The following SEL1L3 variants were observed in gnomAD, a reference collection of about 807,000 sequenced individuals.
SEL1L3 encodes the protein SEL1L family member 3, also known as protein sel-1 homolog 3.
SEL1L3 carries 76 observed loss-of-function variants against 142.8 expected under a neutral mutation model. The ratio of observed to expected loss-of-function variants is 0.53; its 90% CI spans 0.44 to 0.64. The LOEUF (loss-of-function observed/expected upper bound fraction) is 0.64. Among genes scored for constraint, SEL1L3 ranks in the 30% least tolerant of loss-of-function variants. SEL1L3 has a pLI of 0.00. For missense variants in SEL1L3, 1,262 were observed against 1,381.7 expected (o/e 0.91, Z 1.37); for synonymous variants, 504 against 519.6 (o/e 0.97, Z 0.41).
chr4:25,731,134 A>G, the SEL1L3 span, among the ~76,000 whole-genome samples: 1 of 152,240 alleles, frequency 6.6e-6, no homozygotes, highest in South Asian at 2.1e-4. Flanking sequence ...TCAAAGGGAC[A>G]TTAAAACACA....
At chr4:25,745,556 C>CCTACA (rs1717235717), downstream of SEL1L3, among the ~76,000 whole-genome samples, 3 of 152,166 alleles carry the variant, frequency 2.0e-5, no homozygotes, top group Admixed American at 2.0e-4. Context: ...ATCAGTCATT[C>CCTACA]TCAAGGTGAA....
chr4:25,730,627 G>T, the SEL1L3 span, among the ~76,000 whole-genome samples: 1 of 152,014 alleles, frequency 6.6e-6, no homozygotes, highest in Non-Finnish European at 1.5e-5. Context: ...TAACATCTGC[G>T]CTCAATAAAC....
At chr4:25,829,252 C>T (rs144128482) in intron 6 of SEL1L3, among the ~76,000 whole-genome samples, 2 of 152,178 alleles carry the variant, frequency 1.3e-5, no homozygotes, top group Non-Finnish European at 2.9e-5. Context: ...GGATTACAGG[C>T]GTGAGCCAAC....
At chr4:25,828,308 T>A (rs1225279022) in intron 6 of SEL1L3, among the ~76,000 whole-genome samples, 1 of 152,102 alleles carries the variant, frequency 6.6e-6, no homozygotes, top group African/African-American at 2.4e-5. Flanking sequence ...TTTTTTAATT[T>A]TTTTTAGTTT....
At chr4:25,791,035 C>G (rs992872591) in intron 11 of SEL1L3, among the ~76,000 whole-genome samples, 1 of 152,206 alleles carries the variant, frequency 6.6e-6, no homozygotes, top group African/African-American at 2.4e-5. Flanking sequence ...CCTTGAGAAA[C>G]CGAAGTTATT....
At chr4:25,836,042 A>G (rs1033927778) in intron 2 of SEL1L3, among the ~76,000 whole-genome samples, 1 of 152,202 alleles carries the variant, frequency 6.6e-6, no homozygotes, top group Non-Finnish European at 1.5e-5. Context: ...CCATACTCTT[A>G]AAATTGCAGT....
chr4:25,859,544 A>G (rs1457458882), intron 1 of SEL1L3, among the ~76,000 whole-genome samples: 2 of 152,192 alleles, frequency 1.3e-5, no homozygotes, highest in Admixed American at 6.5e-5. Context: ...GCTCCCTGTG[A>G]GGGCAGGTGC....
rs942188944 is a variant in SEL1L3 at position 25,804,926 on chromosome 4, G to A, written c.1565-174C>T. Among the ~76,000 whole-genome samples, 5 of 152,310 alleles carry A rather than the reference G, an allele frequency of 3.3e-5. No individual in the cohort carries two copies. The East Asian group carries it at 7.7e-4, about 23-fold the overall frequency. On this transcript the variant is annotated intron_variant, in intron 9 of 23. Transcript: ENST00000399878. ...AAATGAAACCCTTTGGGGATGCCAT[G>A]GTGTCATTCTGTAAATAGCTTTTTC...
rs1400198077 is a variant in SEL1L3 at position 25,798,093 on chromosome 4, A to T, written c.1956+4190T>A. Among the ~76,000 whole-genome samples, 9 of 152,190 alleles carry T rather than the reference A, an allele frequency of 5.9e-5. No homozygotes were observed. In the South Asian group the frequency reaches 8.3e-4, roughly 14 times the overall value. ...GCCTGGCCAAAAGTTTGGTGTTGCG[A>T]GTTTGGTTGGGGAGGTAGCAAGGAA... On this transcript the variant is annotated intron_variant, in intron 11 of 23. Transcript: ENST00000399878.
At chr4:25,840,184 C>A (rs566723208) in intron 2 of SEL1L3, among the ~76,000 whole-genome samples, 1 of 151,986 alleles carries the variant, frequency 6.6e-6, no homozygotes, top group East Asian at 1.9e-4. Context: ...TTAAATGAGA[C>A]AATGTGTGTG....
At chr4:25,844,172 A>G (rs1464127406) in intron 2 of SEL1L3, among the ~76,000 whole-genome samples, 2 of 152,228 alleles carry the variant, frequency 1.3e-5, no homozygotes, top group South Asian at 2.1e-4. Flanking sequence ...TTCTGACTTG[A>G]TTCTTGTTCA....
intron 14 of SEL1L3, among the ~76,000 whole-genome samples, chr4:25,783,369 T>C (rs1476831511): frequency 1.3e-5 from 2 of 152,230 alleles, no homozygotes; most frequent in Admixed American, 6.5e-5. Flanking sequence ...AACTTCCTGC[T>C]GTATGCAACT....
At chr4:25,838,868 C>G (rs1480711024) in intron 2 of SEL1L3, among the ~76,000 whole-genome samples, 1 of 152,182 alleles carries the variant, frequency 6.6e-6, no homozygotes, top group Non-Finnish European at 1.5e-5. Flanking sequence ...AACCCTGACA[C>G]AGATCCCTTG....
At chr4:25,745,297 AG>A (rs1717225627), downstream of SEL1L3, among the ~76,000 whole-genome samples, 1 of 152,042 alleles carries the variant, frequency 6.6e-6, no homozygotes. Flanking sequence ...TGGGAGGCTG[AG>A]GCTGGAAAAT....
intron 9 of SEL1L3, among the ~76,000 whole-genome samples, chr4:25,806,144 T>C (rs1274621769): frequency 6.6e-6 from 1 of 150,484 alleles, no homozygotes; most frequent in Non-Finnish European, 1.5e-5. Flanking sequence ...GTTCACGCCA[T>C]TCCCCTTCCT....
At chr4:25,843,038 C>T (rs1716269898) in intron 2 of SEL1L3, among the ~76,000 whole-genome samples, 3 of 152,116 alleles carry the variant, frequency 2.0e-5, no homozygotes. Flanking sequence ...AGGGAGCAGT[C>T]ACACAGATGT....
chr4:25,765,224 C>A, intron 20 of SEL1L3, 102 bp downstream of exon 20: 2 of 760,470 alleles, frequency 2.6e-6, no homozygotes, highest in South Asian at 1.5e-5. Flanking sequence ...GAATTCCTGA[C>A]CTCAAGTGAC....
chr4:25,738,784 C>A, the SEL1L3 span, among the ~76,000 whole-genome samples: 1 of 152,176 alleles, frequency 6.6e-6, no homozygotes, highest in South Asian at 2.1e-4. Flanking sequence ...CCTTTCCTCA[C>A]ACAGTCCCTC....
chr4:25,844,319 A>C (rs1716374048), intron 2 of SEL1L3, among the ~76,000 whole-genome samples: 1 of 152,188 alleles, frequency 6.6e-6, no homozygotes, highest in African/African-American at 2.4e-5. Context: ...TGGAGAAGGA[A>C]GAATGTGTGC....
Sources: allele counts gnomAD v4.1 joint callset (sites outside exome capture counted in the v4.1 genomes callset), GRCh38; gene constraint gnomAD v4.1.1; transcripts MANE v1.5; gene names NCBI Gene and HGNC (gene_info 2026-07-23, HGNC 2026-07-21).